TNS1: variants seen among roughly 807,000 people sequenced by gnomAD.
TNS1 encodes tensin-1.
Under a neutral mutation model 168.6 loss-of-function variants are expected in TNS1, and 62 were observed. The ratio of observed to expected loss-of-function variants is 0.37; its 90% confidence interval spans 0.30 to 0.45. TNS1 has a LOEUF of 0.45. TNS1 is among the 20% of genes least tolerant of loss of function. The pLI, the probability that TNS1 is intolerant of heterozygous loss-of-function variation, is 1.00. For synonymous variants in TNS1, 934 were observed against 933.2 expected, an observed-to-expected ratio of 1.00 and a Z score of -0.02; for missense variants, 2,240 against 2,339.4, an observed-to-expected ratio of 0.96 and a Z score of 0.88.
At chr2:217,988,285 G>A (rs114053752) in intron 2 of TNS1, among the ~76,000 whole-genome samples, 1,973 of 152,294 alleles carry the variant, frequency 0.013, 42 homozygotes, top group African/African-American at 0.045. Flanking sequence ...GCCATGTCTT[G>A]CTCACCCTGG....
intron 12 of TNS1, among the ~76,000 whole-genome samples, chr2:217,887,088 C>T (rs897423703): frequency 6.6e-6 from 1 of 152,202 alleles, no homozygotes; most frequent in African/African-American, 2.4e-5. Context: ...CAAGCTTGCG[C>T]TCATACTCAC....
chr2:217,869,273 G>C (rs1462324522), intron 18 of TNS1, among the ~76,000 whole-genome samples: 1 of 152,218 alleles, frequency 6.6e-6, no homozygotes, highest in Non-Finnish European at 1.5e-5. Flanking sequence ...GGCTGATGGA[G>C]AGATTGGCCC....
chr2:217,834,160 A>G (rs915515249), intron 21 of TNS1, among the ~76,000 whole-genome samples: 7 of 152,248 alleles, frequency 4.6e-5, no homozygotes, highest in African/African-American at 1.7e-4. Context: ...CTCATGCCCA[A>G]GATGGCAGCC....
At chr2:217,878,999 G>T (rs907860194) in intron 18 of TNS1, among the ~76,000 whole-genome samples, 1 of 152,172 alleles carries the variant, frequency 6.6e-6, no homozygotes, top group African/African-American at 2.4e-5. Flanking sequence ...TTAAAGGTCA[G>T]CTCATCCTGC....
At chr2:217,809,692 T>C in intron 30 of TNS1, 131 bp downstream of exon 30, 1 of 961,742 alleles carries the variant, frequency 1.0e-6, no homozygotes, top group South Asian at 1.6e-5. Context: ...AGATGCAAGA[T>C]AGATGGATGA....
intron 3 of TNS1, among the ~76,000 whole-genome samples, chr2:217,973,618 C>T (rs974930242): frequency 6.6e-6 from 1 of 152,170 alleles, no homozygotes; most frequent in African/African-American, 2.4e-5. Context: ...TCTCTCTCCT[C>T]ACCTGCTCCC....
chr2:218,010,606 C>T (rs1958697548), upstream of TNS1, among the ~76,000 whole-genome samples: 1 of 151,698 alleles, frequency 6.6e-6, no homozygotes, highest in African/African-American at 2.4e-5. Context: ...GCGGGGGAGG[C>T]GGGAGGGGAG....
chr2:217,809,785 A>T, intron 30 of TNS1, 38 bp downstream of exon 30: 5 of 1,592,928 alleles, frequency 3.1e-6, no homozygotes, highest in African/African-American at 1.3e-5. Flanking sequence ...AGTCACAGGA[A>T]GGAGAACCCC....
intron 4 of TNS1, among the ~76,000 whole-genome samples, chr2:217,917,829 C>CAAAAAAAAAAA (rs79888115): frequency 0.025 from 1,881 of 75,694 alleles, 117 homozygotes; most frequent in African/African-American, 0.038. Flanking sequence ...AGACTGTTCT[C>CAAAAAAAAAAA]AAAAAAAAAA....
chr2:217,975,448 C>T (rs991678538), intron 3 of TNS1, among the ~76,000 whole-genome samples: 2 of 152,160 alleles, frequency 1.3e-5, no homozygotes, highest in Admixed American at 1.3e-4. Context: ...AGAACTATCG[C>T]TTCGTGCTGC....
In TNS1 at chr2:217,865,803, G is replaced by T. The variant is rs74994772; in HGVS notation, c.1429+15095C>A. Among the ~76,000 whole-genome samples, 592 of 152,282 alleles carry T rather than the reference G, an allele frequency of 3.9e-3. 7 individuals carry two copies. Among genetic ancestry groups the T allele is most frequent in the African/African-American group, 0.014 (563 of 41,558 alleles). ...GTCCCTGAGGGATAGTCTTGTGAGTGTAAATAATGCTTGAGCAAAGAAAGA... is the reference window on the plus strand; with the variant it reads ...GTCCCTGAGGGATAGTCTTGTGAGTTTAAATAATGCTTGAGCAAAGAAAGA... On this transcript the variant is annotated intron_variant, in intron 18 of 32. Transcript: ENST00000682258.
chr2:217,862,617 G>T (rs1270211848), intron 18 of TNS1, among the ~76,000 whole-genome samples: 13 of 152,236 alleles, frequency 8.5e-5, no homozygotes, highest in Non-Finnish European at 1.6e-4. Context: ...AGAGGATGTT[G>T]TGAGTTCATT....
chr2:217,893,146 G>T (rs1021591617), intron 10 of TNS1, 134 bp from the exon 11 acceptor site: 13 of 1,162,474 alleles, frequency 1.1e-5, no homozygotes, highest in Non-Finnish European at 1.6e-5. Context: ...ACATAAGGAG[G>T]AAGGGGGCCT....
At chr2:218,014,925 C>A (rs6736805), upstream of TNS1, among the ~76,000 whole-genome samples, 2,854 of 55,474 alleles carry the variant, frequency 0.051, 30 homozygotes, top group Middle Eastern at 0.11. Flanking sequence ...GGAAGGAAGG[C>A]AGGCAGGCAG....
At chr2:217,845,202 A>ATTT (rs1181579686) in intron 19 of TNS1, among the ~76,000 whole-genome samples, 12 of 152,196 alleles carry the variant, frequency 7.9e-5, no homozygotes, top group African/African-American at 2.9e-4. Flanking sequence ...GACCTGGGGG[A>ATTT]GGAAAGCCAG....
At chr2:217,810,873 T>C (rs1293154191) in intron 28 of TNS1, among the ~76,000 whole-genome samples, 1 of 145,924 alleles carries the variant, frequency 6.9e-6, no homozygotes, top group Non-Finnish European at 1.5e-5. Flanking sequence ...TTGTACATGG[T>C]ACATAATTTT....
chr2:218,011,389 G>T (rs1574480612), upstream of TNS1, among the ~76,000 whole-genome samples: 1 of 152,268 alleles, frequency 6.6e-6, no homozygotes, highest in South Asian at 2.1e-4. Flanking sequence ...CATTGCCCGG[G>T]GTTCTGTGGC....
At chr2:217,862,795 C>T (rs1030131407) in intron 18 of TNS1, among the ~76,000 whole-genome samples, 5 of 152,218 alleles carry the variant, frequency 3.3e-5, no homozygotes, top group Non-Finnish European at 7.3e-5. Flanking sequence ...GATGGGTGCT[C>T]AGAGACTGTG....
In TNS1 at chr2:217,813,667, T is replaced by G; in HGVS notation, c.4861+18A>C. ...AAGCTCACCTGGTCCTGAGCCCCAT[T>G]CTGGGAGATGAGGTTACCTTTTTTA... On this transcript the variant is annotated intron_variant, in intron 26 of 32. Transcript: ENST00000682258. This position sits in a 1 kb window ranked among gnomAD's most constrained non-coding sequence, Gnocchi z 4.0. The G allele has an allele frequency of 6.3e-7, 1 of 1,597,936 alleles. No homozygotes were observed. Among genetic ancestry groups the G allele is most frequent in the Non-Finnish European group, 8.5e-7 (1 of 1,171,266 alleles).
Sources: gnomAD v4.1 joint callset for allele counts (sites outside exome capture counted in the v4.1 genomes callset) on GRCh38, gnomAD v4.1.1 for gene constraint, Gnocchi (gnomAD v3.1) non-coding constraint, MANE v1.5 for transcripts, NCBI Gene and HGNC (gene_info 2026-07-23, HGNC 2026-07-21) for gene names.